TRPC4AP: variants seen among roughly 807,000 people sequenced by gnomAD.
TRPC4AP encodes the protein transient receptor potential cation channel subfamily C member 4 associated protein, also known as short transient receptor potential channel 4-associated protein.
In TRPC4AP, 45 loss-of-function variants were observed where a neutral mutation model predicts 99.0. That is an observed-to-expected ratio of 0.45 (90% confidence interval 0.36 to 0.58). The LOEUF is 0.58. Ranked by LOEUF, TRPC4AP falls within the 20% of genes least tolerant of loss-of-function variation. The probability of loss-of-function intolerance (pLI) is 0.00; values close to 1 mark genes in which losing one functional copy is unlikely to be tolerated. For synonymous variants in TRPC4AP, 408 were observed against 385.8 expected, an observed-to-expected ratio of 1.06 and a Z score of -0.67; for missense variants, 879 against 985.3, an observed-to-expected ratio of 0.89 and a Z score of 1.44.
intron 2 of TRPC4AP, among the ~76,000 whole-genome samples, chr20:35,075,735 C>T (rs1005147805): frequency 1.3e-5 from 2 of 152,170 alleles, no homozygotes; most frequent in African/African-American, 2.4e-5. Flanking sequence ...AATTATGTGT[C>T]TTGGAGTTCC....
At chr20:35,042,367 A>G (rs984238541) in intron 7 of TRPC4AP, among the ~76,000 whole-genome samples, 5 of 152,244 alleles carry the variant, frequency 3.3e-5, no homozygotes, top group Non-Finnish European at 7.3e-5. Flanking sequence ...AAACTAGACA[A>G]TAACAGAGTG....
chr20:35,022,321 A>G (rs982226833), intron 8 of TRPC4AP, among the ~76,000 whole-genome samples: 2 of 152,038 alleles, frequency 1.3e-5, no homozygotes, highest in African/African-American at 2.4e-5. Context: ...ACGCCCAGCT[A>G]ATTTTTCTAT....
rs2085113092 is a variant in TRPC4AP at position 35,092,759 on chromosome 20, G to A, written c.23C>T (p.Ala8Val). Residue 8 changes from alanine to valine, a missense_variant, in exon 1 of 19, where the codon GCT (alanine) becomes GTT (valine). Coordinates refer to ENST00000252015, the MANE Select transcript of TRPC4AP (RefSeq NM_015638.3). The part of the protein sequence containing the change: MAAAPVA[A>V]GSGAGRGRRS... ...TCTCCCTCGGCCGGCTCCAGACCCA[G>A]CCGCTACCGGCGCCGCCGCCATGTC... is the stretch of plus-strand genomic sequence containing the variant. 1 of 1,545,248 alleles carries A rather than the reference G, an allele frequency of 6.5e-7. No homozygotes were observed. The highest frequency in any genetic ancestry group is 8.6e-7 in the Non-Finnish European group (1 of 1,157,952).
chr20:35,050,027 A>T, intron 5 of TRPC4AP, 33 bp from the exon 6 acceptor site: 6 of 1,602,688 alleles, frequency 3.7e-6, no homozygotes, highest in Non-Finnish European at 5.1e-6. Flanking sequence ...AATAGGTTGT[A>T]AGTACAAAAT....
intron 8 of TRPC4AP, among the ~76,000 whole-genome samples, chr20:35,033,529 A>G (rs974050966): frequency 2.6e-5 from 4 of 152,164 alleles, no homozygotes; most frequent in African/African-American, 9.7e-5. Flanking sequence ...TGTTTTTGAT[A>G]ATGCCCTGGA....
Position 35,035,308 on chromosome 20 carries a change from G to A in TRPC4AP, c.866C>T (p.Ala289Val), listed in dbSNP as rs187038762. The A allele has an allele frequency of 1.7e-5, 27 of 1,612,342 alleles. No homozygotes were observed. Among genetic ancestry groups the A allele is most frequent in the African/African-American group, 6.7e-5 (5 of 74,984 alleles). ...LGPSAAEINQ[A>V]ALLSIPGFVE... is the part of the protein sequence containing the mutation. ...AAAGCCAGGAATGCTGAGAAGGGCC[G>A]CTGCCAGGGAAAGAACAAGCGAGGA... Residue 289 changes from alanine to valine, a missense_variant and splice_region_variant, in exon 8 of 19, where the codon GCG (alanine) becomes GTG (valine). By Grantham distance (64) the Ala-to-Val change is moderately conservative. Coordinates refer to ENST00000252015, the MANE Select transcript of TRPC4AP (RefSeq NM_015638.3).
intron 7 of TRPC4AP, 21 bp from the exon 8 acceptor site, chr20:35,035,329 G>A (rs762446837): frequency 1.1e-5 from 17 of 1,606,620 alleles, no homozygotes; most frequent in Middle Eastern, 1.7e-4. Context: ...AAGAACAAGC[G>A]AGGAAATTTT....
In TRPC4AP at chr20:35,006,591, C is replaced by G. The variant is rs2082523159; in HGVS notation, c.1687-16G>C. 1.2e-6 allele frequency: 2 copies of G among 1,612,012 alleles called. No individual in the cohort carries two copies. The highest frequency in any genetic ancestry group is 1.3e-5 in the African/African-American group (1 of 75,040). ...AAAGGATGTGCTGGGTGAGGAGGGA[C>G]AGGGTGAAGGTGTCAACGTGGCTGC... On this transcript the variant is annotated splice_polypyrimidine_tract_variant and intron_variant, in intron 14 of 18. Transcript: ENST00000252015.
intron 8 of TRPC4AP, among the ~76,000 whole-genome samples, chr20:35,028,168 A>G (rs2083075167): frequency 6.6e-6 from 1 of 151,814 alleles, no homozygotes; most frequent in African/African-American, 2.4e-5. Context: ...GCATCCCATA[A>G]GTTTGATATA....
chr20:35,056,630 T>C (rs1044847839), intron 4 of TRPC4AP, among the ~76,000 whole-genome samples: 3 of 152,120 alleles, frequency 2.0e-5, no homozygotes, highest in African/African-American at 7.2e-5. Flanking sequence ...AAACATTAAC[T>C]GAAGTCATCT....
chr20:35,091,302 A>AG lies in TRPC4AP; in HGVS notation c.168+1311_168+1312insC, dbSNP rs530472170. On this transcript the variant is annotated intron_variant, in intron 1 of 18. Coordinates refer to ENST00000252015, the MANE Select transcript of TRPC4AP (RefSeq NM_015638.3). Reference sequence around the variant, plus strand: ...TCAGGTCTTAAGAACACAAGGGGGAAAAAGGCTGCTCATCTATGGTTGTGT... The same window carrying AG: ...TCAGGTCTTAAGAACACAAGGGGGAAGAAAGGCTGCTCATCTATGGTTGTGT... Among the ~76,000 whole-genome samples, 14 of 152,224 alleles carry AG rather than the reference A, an allele frequency of 9.2e-5. No individual in the cohort carries two copies. In the East Asian group the frequency reaches 1.7e-3, roughly 19 times the overall value.
At chr20:35,022,524 C>A (rs1163900753) in intron 8 of TRPC4AP, among the ~76,000 whole-genome samples, 1 of 152,144 alleles carries the variant, frequency 6.6e-6, no homozygotes, top group South Asian at 2.1e-4. Flanking sequence ...AGCAGAGTGA[C>A]TTCCCTTCAG....
chr20:35,062,213 G>C (rs2084025236), intron 3 of TRPC4AP, among the ~76,000 whole-genome samples: 1 of 152,282 alleles, frequency 6.6e-6, no homozygotes, highest in Non-Finnish European at 1.5e-5. Flanking sequence ...ATGTAAAATG[G>C]TGCAGCTGCT....
At chr20:35,090,261 G>A (rs1270389093) in intron 1 of TRPC4AP, among the ~76,000 whole-genome samples, 1 of 151,250 alleles carries the variant, frequency 6.6e-6, no homozygotes, top group African/African-American at 2.4e-5. Flanking sequence ...CAGGCAGGGG[G>A]TCTCTACTTC....
At chr20:35,061,381 T>C (rs2084003844) in intron 3 of TRPC4AP, among the ~76,000 whole-genome samples, 1 of 152,248 alleles carries the variant, frequency 6.6e-6, no homozygotes, top group Non-Finnish European at 1.5e-5. Context: ...TCAGAAGATT[T>C]AATATTGTTA....
chr20:35,024,399 A>G (rs1305258821), intron 8 of TRPC4AP, among the ~76,000 whole-genome samples: 1 of 152,140 alleles, frequency 6.6e-6, no homozygotes, highest in African/African-American at 2.4e-5. Flanking sequence ...ACTTCATATT[A>G]ATGAACTCAT....
chr20:35,064,779 T>C (rs1352978009), intron 3 of TRPC4AP, among the ~76,000 whole-genome samples: 1 of 152,254 alleles, frequency 6.6e-6, no homozygotes, highest in East Asian at 1.9e-4. Flanking sequence ...AACCATTTTA[T>C]AGCCTGTTTT....
Position 35,050,012 on chromosome 20 carries a change from G to A in TRPC4AP, c.529-18C>T. 6.2e-7 allele frequency: 1 copy of A among 1,610,266 alleles called. No homozygotes were observed. The highest frequency in any genetic ancestry group is 2.2e-5 in the East Asian group (1 of 44,716). On this transcript the variant is annotated intron_variant, in intron 5 of 18. Transcript: ENST00000252015. ...CCCTCTGTCTGTCACAAGAAGAAAA[G>A]GCAGAATAGGTTGTAAGTACAAAAT...
chr20:35,029,349 A>T (rs1036763278), intron 8 of TRPC4AP, among the ~76,000 whole-genome samples: 1 of 152,166 alleles, frequency 6.6e-6, no homozygotes, highest in African/African-American at 2.4e-5. Flanking sequence ...TTATCTCTGA[A>T]TTGAAAGTGT....
Sources: allele counts gnomAD v4.1 joint callset (sites outside exome capture counted in the v4.1 genomes callset), GRCh38; gene constraint gnomAD v4.1.1; transcripts MANE v1.5; gene names NCBI Gene and HGNC (gene_info 2026-07-23, HGNC 2026-07-21).